Variants in PRRT3 observed in about 807,000 individuals in gnomAD.
The protein encoded by PRRT3 is proline rich transmembrane protein 3.
PRRT3 carries 48 observed loss-of-function variants against 56.6 expected under a neutral mutation model. That is an observed-to-expected ratio of 0.85 (90% CI 0.67 to 1.08). The LOEUF (loss-of-function observed/expected upper bound fraction) is 1.08. PRRT3 is among the 50% of genes least tolerant of loss of function. PRRT3 has a pLI of 0.00. For missense variants in PRRT3, 1,370 were observed against 1,353.1 expected, an observed-to-expected ratio of 1.01 and a Z score of -0.20; for synonymous variants, 641 against 619.1, an observed-to-expected ratio of 1.04 and a Z score of -0.52.
rs750416959 is a variant in PRRT3, at chr3:9,946,693, C to T, written c.2480G>A (p.Arg827Gln). ...GCCGCAGCGCTGGAACACACTGTCT[C>T]GCACTAGGTGCTCGCGGAAGAGCGC... ...DAALFREHLV[R>Q]DSVFQRCGLR... Residue 827 changes from arginine (R) to glutamine (Q), a missense_variant, in exon 4 of 4, where the codon CGA becomes CAA. Coordinates refer to ENST00000412055, the MANE Select transcript of PRRT3 (RefSeq NM_207351.5). This position sits in a 1 kb window ranked among gnomAD's most constrained non-coding sequence, Gnocchi z 4.1. 2 of 1,463,256 alleles carry T rather than the reference C, an allele frequency of 1.4e-6. No individual in the cohort carries two copies. Among genetic ancestry groups the T allele is most frequent in the South Asian group, 1.4e-5 (1 of 71,156 alleles). The allele number at this position is 1,463,256 out of a possible 1,614,324, so 90.6% of individuals were successfully genotyped here. A position where few individuals can be genotyped will look rare whatever the true frequency, so the allele number is the denominator to read the frequency against.
chr3:9,951,024 G>A (rs926181537), intron 1 of PRRT3, among the ~76,000 whole-genome samples: 18 of 152,152 alleles, frequency 1.2e-4, no homozygotes, highest in Non-Finnish European at 2.9e-5. Context: ...AGGTATGGGC[G>A]AGGTTCATAC....
At position 9,946,239 on chromosome 3, in the gene PRRT3, G is replaced by A; in HGVS notation, c.2934C>T (p.Thr978=). 6.2e-7 allele frequency: 1 copy of A among 1,612,352 alleles called. No individual in the cohort carries two copies. Among genetic ancestry groups the A allele is most frequent in the Non-Finnish European group, 8.5e-7 (1 of 1,179,712 alleles). ...TCAGGACCGCTCTTCAAAGCTCGAT[G>A]GTATCACTGGAGGCGCTGCGGGATT... ...PGESRSASSD[T]IEL is the part of the protein sequence containing the mutation. Residue 978 remains threonine (T), a synonymous_variant, in exon 4 of 4, where the codon ACC becomes ACT. Coordinates refer to ENST00000412055, the MANE Select transcript of PRRT3 (RefSeq NM_207351.5). This position sits in a 1 kb window ranked among gnomAD's most constrained non-coding sequence, Gnocchi z 4.1.
chr3:9,945,757 T>C lies in PRRT3; in HGVS notation c.*470A>G, dbSNP rs1403704470. The C allele has an allele frequency of 2.4e-5, 3 of 126,390 alleles. No individual in the cohort carries two copies. The highest frequency in any genetic ancestry group is 9.1e-5 in the African/African-American group (3 of 32,860). 7.8% of individuals were successfully genotyped at this position (126,390 alleles called of 1,614,324 possible). ...TTAAAAGCAAAAAACGGCATGGGGG[T>C]GGGGTGAGTTCAAACCTGGCTGTCC... On this transcript the variant is annotated 3_prime_UTR_variant, in exon 4 of 4. Transcript: ENST00000412055.
chr3:9,947,652 C>T lies in PRRT3; in HGVS notation c.1521G>A (p.Ala507=), dbSNP rs370105331. ...PAGPRLALVA[A]VLVLVASALR... is the part of the protein sequence containing the mutation. The stretch of plus-strand genomic sequence containing the variant: ...GCGCCGAAGCCACGAGCACCAGCAC[C>T]GCGGCCACCAATGCCAGCCGGGGCC... Residue 507 remains alanine, a synonymous_variant, in exon 4 of 4, where the codon GCG becomes GCA. Coordinates refer to ENST00000412055, the MANE Select transcript of PRRT3 (RefSeq NM_207351.5). This position sits in a 1 kb window ranked among gnomAD's most constrained non-coding sequence, Gnocchi z 9.2. 1.5e-4 allele frequency: 228 copies of T among 1,571,044 alleles called. No homozygotes were observed. Among genetic ancestry groups the T allele is most frequent in the Non-Finnish European group, 1.8e-4 (212 of 1,160,298 alleles).
chr3:9,950,218 C>A, intron 1 of PRRT3, 46 bp from the exon 2 acceptor site: 1 of 952,400 alleles, frequency 1.0e-6, no homozygotes, highest in East Asian at 3.2e-5. Context: ...GGCTGGGGGC[C>A]CCCATGCCTT....
Position 9,950,185 on chromosome 3 carries a change from CAG to C in PRRT3, c.-57-15_-57-14del, listed in dbSNP as rs906292724. The C allele has an allele frequency of 8.8e-6, 11 of 1,246,380 alleles. No homozygotes were observed. In the African/African-American group the frequency reaches 1.1e-4, roughly 12 times the overall value. 77.2% of individuals were successfully genotyped at this position (1,246,380 alleles called of 1,614,324 possible). A position where few individuals can be genotyped will look rare whatever the true frequency, so the allele number is the denominator to read the frequency against. On this transcript the variant is annotated splice_polypyrimidine_tract_variant and intron_variant, in intron 1 of 3. Coordinates refer to ENST00000412055, the MANE Select transcript of PRRT3 (RefSeq NM_207351.5). ...TCACTGGATGAGCCTAAAAAAAAAA[CAG>C]GGCATGGAATGACATGTGAGGGCTG... is the stretch of plus-strand genomic sequence containing the variant.
chr3:9,947,190 C>T lies in PRRT3; in HGVS notation c.1983G>A (p.Leu661=), dbSNP rs1241774584. The part of the protein sequence containing the change: ...SGLQLAAALW[L]YPGPGRVGRF... ...GGCCCACGCGGCCTGGGCCCGGGTA[C>T]AGCCAGAGCGCAGCCGCCAGCTGCA... The change falls in exon 4 of 4, where the codon CTG becomes CTA. Residue 661 remains leucine (L), a synonymous_variant. Coordinates refer to ENST00000412055, the MANE Select transcript of PRRT3 (RefSeq NM_207351.5). The surrounding 1 kb of genome is among the most constrained non-coding windows in gnomAD (Gnocchi z 9.2). 2 of 1,528,554 alleles carry T rather than the reference C, an allele frequency of 1.3e-6. No individual in the cohort carries two copies. Among genetic ancestry groups the T allele is most frequent in the East Asian group, 2.5e-5 (1 of 40,028 alleles). The allele number at this position is 1,528,554 out of a possible 1,614,324, so 94.7% of individuals were successfully genotyped here. A position where few individuals can be genotyped will look rare whatever the true frequency, so the allele number is the denominator to read the frequency against.
chr3:9,949,688 G>A lies in PRRT3; in HGVS notation c.428C>T (p.Ala143Val), dbSNP rs748224555. ...ATGAGGGTGGCCCACTGGGTGGGGA[G>A]CCACTGCTTCTTGCTGCAGAAGCTC... ...SQELLQQEAV[A>V]PHPVGHPHLT... The change falls in exon 2 of 4, where the codon GCT becomes GTT. Residue 143 changes from alanine to valine, a missense_variant. Coordinates refer to ENST00000412055, the MANE Select transcript of PRRT3 (RefSeq NM_207351.5). This position sits in a 1 kb window ranked among gnomAD's most constrained non-coding sequence, Gnocchi z 4.5. 6 of 1,614,158 alleles carry A rather than the reference G, an allele frequency of 3.7e-6. No individual in the cohort carries two copies. The Admixed American group carries it at 5.0e-5, about 13-fold the overall frequency.
Position 9,947,111 on chromosome 3 carries a change from T to C in PRRT3, c.2062A>G (p.Thr688Ala). 6.5e-7 allele frequency: 1 copy of C among 1,538,258 alleles called. No individual in the cohort carries two copies. The highest frequency in any genetic ancestry group is 8.7e-7 in the Non-Finnish European group (1 of 1,147,548). The change falls in exon 4 of 4, where the codon ACA becomes GCA. Residue 688 changes from threonine to alanine, a missense_variant. Thr to Ala is a moderately conservative substitution (Grantham distance 58). Transcript: ENST00000412055. The surrounding 1 kb of genome is among the most constrained non-coding windows in gnomAD (Gnocchi z 9.2). ...VHFWLRLLELTWALALALAAV... is the reference protein window; with the variant it reads ...VHFWLRLLELAWALALALAAV... ...GCCAACGCCAGGGCGAGCGCCCATG[T>C]CAGCTCCAGGAGGCGCAGCCAGAAG... is the stretch of plus-strand genomic sequence containing the variant.
In PRRT3 at chr3:9,946,999, C is replaced by G; in HGVS notation, c.2174G>C (p.Gly725Ala). 2.6e-6 allele frequency: 4 copies of G among 1,542,324 alleles called. No individual in the cohort carries two copies. The highest frequency in any genetic ancestry group is 3.5e-6 in the Non-Finnish European group (4 of 1,148,810). Residue 725 changes from glycine (G) to alanine (A), a missense_variant, in exon 4 of 4, where the codon GGA becomes GCA. Coordinates refer to ENST00000412055, the MANE Select transcript of PRRT3 (RefSeq NM_207351.5). The surrounding 1 kb of genome is among the most constrained non-coding windows in gnomAD (Gnocchi z 4.1). ...GGGTCGCTCCGGCACCTCGCTCTTT[C>G]CTGACGGCGCCGGGCACGCCAGACG... The part of the protein sequence containing the change: ...LMRLACPAPS[G>A]KSEVPERPNN...
At chr3:9,951,730 C>T (rs1286700445) in intron 1 of PRRT3, among the ~76,000 whole-genome samples, 2 of 152,142 alleles carry the variant, frequency 1.3e-5, no homozygotes, top group African/African-American at 4.8e-5. Flanking sequence ...CTTAGCAACA[C>T]GTCACTCCGC....
rs1482792669 is a variant in PRRT3, at chr3:9,948,906, T to C, written c.1023A>G (p.Ala341=). 1 of 1,575,562 alleles carries C rather than the reference T, an allele frequency of 6.3e-7. No homozygotes were observed. Among genetic ancestry groups the C allele is most frequent in the Admixed American group, 1.9e-5 (1 of 52,438 alleles). ...APDRPSKPER[A]AMNGADPISP... Reference sequence around the variant, plus strand: ...AGATGGGGTCTGCTCCATTCATTGCTGCTCTCTCTGAAATGACAAAGCAGT... The same window carrying C: ...AGATGGGGTCTGCTCCATTCATTGCCGCTCTCTCTGAAATGACAAAGCAGT... Residue 341 remains alanine (A), a synonymous_variant, in exon 3 of 4, where the codon GCA becomes GCG. Transcript: ENST00000412055.
Position 9,945,714 on chromosome 3 carries a change from G to GA in PRRT3, c.*512dup, listed in dbSNP as rs1443863736. ...ACGGCCTCTGTGCAAAATGCCGGCT[G>GA]AAAAAAAAATAGAAATATTAAAAGC... is the stretch of plus-strand genomic sequence containing the variant. On this transcript the variant is annotated 3_prime_UTR_variant, in exon 4 of 4. Coordinates refer to ENST00000412055, the MANE Select transcript of PRRT3 (RefSeq NM_207351.5). 2.8e-4 allele frequency: 41 copies of GA among 145,992 alleles called. No individual in the cohort carries two copies. Among genetic ancestry groups the GA allele is most frequent in the Admixed American group, 1.4e-3 (20 of 14,222 alleles). The allele number at this position is 145,992 out of a possible 1,614,324, so 9.0% of individuals were successfully genotyped here. A position where few individuals can be genotyped will look rare whatever the true frequency, so the allele number is the denominator to read the frequency against.
chr3:9,947,808 T>C lies in PRRT3; in HGVS notation c.1365A>G (p.Ala455=). 1 of 1,449,130 alleles carries C rather than the reference T, an allele frequency of 6.9e-7. No individual in the cohort carries two copies. Among genetic ancestry groups the C allele is most frequent in the Non-Finnish European group, 9.1e-7 (1 of 1,101,246 alleles). 89.8% of individuals were successfully genotyped at this position (1,449,130 alleles called of 1,614,324 possible). A position where few individuals can be genotyped will look rare whatever the true frequency, so the allele number is the denominator to read the frequency against. ...GAAGGGGGCCCCAGCGTAGCGGGGG[T>C]GCAGTGGCGTTGGCTGGGGGGCTGG... ...PASSPPANAT[A]PPLRWGPLRR... is the part of the protein sequence containing the mutation. The change falls in exon 4 of 4, where the codon GCA becomes GCG. Residue 455 remains alanine, a synonymous_variant. Coordinates refer to ENST00000412055, the MANE Select transcript of PRRT3 (RefSeq NM_207351.5). The surrounding 1 kb of genome is among the most constrained non-coding windows in gnomAD (Gnocchi z 9.2).
Position 9,946,662 on chromosome 3 carries a change from G to T in PRRT3, c.2511C>A (p.Arg837=), listed in dbSNP as rs1401979454. 7.1e-7 allele frequency: 1 copy of T among 1,401,208 alleles called. No homozygotes were observed. The highest frequency in any genetic ancestry group is 2.9e-5 in the East Asian group (1 of 34,268). 86.8% of individuals were successfully genotyped at this position (1,401,208 alleles called of 1,614,324 possible). Residue 837 remains arginine, a synonymous_variant, in exon 4 of 4, where the codon CGC becomes CGA. Transcript: ENST00000412055. This position sits in a 1 kb window ranked among gnomAD's most constrained non-coding sequence, Gnocchi z 4.1. The part of the protein sequence containing the change: ...RDSVFQRCGL[R]GLASPPPGGA... ...CTCCAGGCGGCGGGGAGGCCAGGCCGCGGAGGCCGCAGCGCTGGAACACAC... is the reference window on the plus strand; with the variant it reads ...CTCCAGGCGGCGGGGAGGCCAGGCCTCGGAGGCCGCAGCGCTGGAACACAC...
Position 9,950,174 on chromosome 3 carries a change from T to TA in PRRT3, c.-57-3dup, listed in dbSNP as rs377564516. The TA allele has an allele frequency of 0.022, 21,844 of 994,996 alleles. No individual in the cohort carries two copies. The highest frequency in any genetic ancestry group is 0.026 in the South Asian group (661 of 25,802). 61.6% of individuals were successfully genotyped at this position (994,996 alleles called of 1,614,324 possible). On this transcript the variant is annotated splice_polypyrimidine_tract_variant and splice_region_variant and intron_variant, in intron 1 of 3. Coordinates refer to ENST00000412055, the MANE Select transcript of PRRT3 (RefSeq NM_207351.5). ...CCTTCCAGTCCTCACTGGATGAGCC[T>TA]AAAAAAAAAACAGGGCATGGAATGA...
At chr3:9,951,531 AG>A (rs1166774648) in intron 1 of PRRT3, among the ~76,000 whole-genome samples, 2 of 152,216 alleles carry the variant, frequency 1.3e-5, no homozygotes, top group African/African-American at 2.4e-5. Flanking sequence ...AAGCCTTGTT[AG>A]TTCATTTCTC....
chr3:9,946,121 C>T lies in PRRT3; in HGVS notation c.*106G>A. On this transcript the variant is annotated 3_prime_UTR_variant, in exon 4 of 4. Transcript: ENST00000412055. The surrounding 1 kb of genome is among the most constrained non-coding windows in gnomAD (Gnocchi z 4.1). ...AAAGTGCTGGGATTCCTGGCGTGAGCCACCGCGCCTGGCCAGGATGCCCAT... is the reference window on the plus strand; with the variant it reads ...AAAGTGCTGGGATTCCTGGCGTGAGTCACCGCGCCTGGCCAGGATGCCCAT... The T allele has an allele frequency of 6.9e-7, 1 of 1,443,010 alleles. No individual in the cohort carries two copies. Among genetic ancestry groups the T allele is most frequent in the Non-Finnish European group, 9.1e-7 (1 of 1,094,536 alleles). 89.4% of individuals were successfully genotyped at this position (1,443,010 alleles called of 1,614,324 possible). A position where few individuals can be genotyped will look rare whatever the true frequency, so the allele number is the denominator to read the frequency against.
In PRRT3 at chr3:9,948,835, T is replaced by C. The variant is rs768946936; in HGVS notation, c.1094A>G (p.Lys365Arg). 8 of 1,612,878 alleles carry C rather than the reference T, an allele frequency of 5.0e-6. No homozygotes were observed. Among genetic ancestry groups the C allele is most frequent in the East Asian group, 2.2e-5 (1 of 44,872 alleles). Reference protein sequence around the residue: ...RGAVEAPGTPKSLIPGPSDPG... With the variant: ...RGAVEAPGTPRSLIPGPSDPG... ...GTCTGAGGGACCAGGGATGAGAGAC[T>C]TGGGGGTGCCTGGGGCCTCCACAGC... The change falls in exon 3 of 4, where the codon AAG (lysine) becomes AGG (arginine). Residue 365 changes from lysine (K) to arginine (R), a missense_variant. Physicochemically the swap from Lys to Arg is conservative, Grantham distance 26. Coordinates refer to ENST00000412055, the MANE Select transcript of PRRT3 (RefSeq NM_207351.5).
Sources: gnomAD v4.1 joint callset for allele counts (sites outside exome capture counted in the v4.1 genomes callset) on GRCh38, gnomAD v4.1.1 for gene constraint, Gnocchi (gnomAD v3.1) non-coding constraint, MANE v1.5 for transcripts, NCBI Gene and HGNC (gene_info 2026-07-23, HGNC 2026-07-21) for gene names.